KCNH7: variants seen among roughly 807,000 people sequenced by gnomAD.
KCNH7 encodes voltage-gated inwardly rectifying potassium channel KCNH7.
In KCNH7, 49 loss-of-function variants were observed where a neutral mutation model predicts 120.8. That is an observed-to-expected ratio of 0.41 (90% CI 0.32 to 0.51). KCNH7 has a LOEUF of 0.51. Ranked by LOEUF, KCNH7 falls within the 20% of genes least tolerant of loss-of-function variation. The pLI is 0.38. For synonymous variants in KCNH7, 547 were observed against 516.1 expected (o/e 1.06, Z -0.81); for missense variants, 1,097 against 1,446.6 (o/e 0.76, Z 3.92).
At position 162,635,766 on chromosome 2, in the gene KCNH7, C is replaced by A. The variant is rs537416339; in HGVS notation, c.308-98686G>T. On this transcript the variant is annotated intron_variant, in intron 2 of 15. Transcript: ENST00000332142. ...CAAAATTTTCAGCGAGAGTGCAGTT[C>A]TTTGCTATTAAACATTTGAAATTTT... Among the ~76,000 whole-genome samples the A allele has an allele frequency of 6.6e-5, 10 of 152,088 alleles. No individual in the cohort carries two copies. In the South Asian group the frequency reaches 2.1e-3, roughly 32 times the overall value.
chr2:162,698,437 T>A (rs555535507), intron 2 of KCNH7, among the ~76,000 whole-genome samples: 16 of 150,446 alleles, frequency 1.1e-4, no homozygotes, highest in African/African-American at 3.0e-4. Context: ...GTCTTTATTT[T>A]TTTTTTTTTA....
At chr2:162,808,999 A>G (rs925038268) in intron 2 of KCNH7, among the ~76,000 whole-genome samples, 7 of 152,138 alleles carry the variant, frequency 4.6e-5, no homozygotes, top group African/African-American at 1.7e-4. Context: ...GTGATTAGAC[A>G]GTATCCACTG....
chr2:162,769,048 T>G (rs180777296), intron 2 of KCNH7: 27 of 152,306 alleles, frequency 1.8e-4, no homozygotes, highest in Non-Finnish European at 4.4e-5. Context: ...GTCAGATTAT[T>G]CTTGTTTAAC....
intron 2 of KCNH7, among the ~76,000 whole-genome samples, chr2:162,715,632 G>C (rs534710347): frequency 6.6e-6 from 1 of 152,120 alleles, no homozygotes. Context: ...CCAATGGTAC[G>C]TCAGCAATTG....
chr2:162,557,469 C>G (rs1692898003), intron 2 of KCNH7, among the ~76,000 whole-genome samples: 1 of 152,130 alleles, frequency 6.6e-6, no homozygotes, highest in Non-Finnish European at 1.5e-5. Flanking sequence ...TTCAAGGACA[C>G]AGAGAAACAG....
intron 2 of KCNH7, among the ~76,000 whole-genome samples, chr2:162,676,150 T>A (rs1446753272): frequency 6.6e-6 from 1 of 151,510 alleles, no homozygotes; most frequent in Admixed American, 6.6e-5. Context: ...GCAGACACAG[T>A]GTTTGCTTGA....
At chr2:162,504,881 G>A (rs921670198) in intron 5 of KCNH7, among the ~76,000 whole-genome samples, 1 of 151,932 alleles carries the variant, frequency 6.6e-6, no homozygotes, top group African/African-American at 2.4e-5. Context: ...TGTACCCAGA[G>A]AGCAAATGGC....
At chr2:162,644,627 T>C (rs937125285) in intron 2 of KCNH7, among the ~76,000 whole-genome samples, 2 of 152,224 alleles carry the variant, frequency 1.3e-5, no homozygotes, top group African/African-American at 4.8e-5. Context: ...TTCATTTTAA[T>C]AACAACTTTT....
rs67006443 is a variant in KCNH7, at chr2:162,492,865, GTTTTTTTTTTT to G, written c.1128+11567_1128+11577del. Among the ~76,000 whole-genome samples the G allele has an allele frequency of 5.5e-3, 313 of 57,222 alleles. 1 individual carries two copies. Among genetic ancestry groups the G allele is most frequent in the Middle Eastern group, 0.02 (1 of 50 alleles). The allele number at this position is 57,222 out of a possible 152,430, so 37.5% of individuals were successfully genotyped here. A position where few individuals can be genotyped will look rare whatever the true frequency, so the allele number is the denominator to read the frequency against. ...CTATGTTTTTCTCTTCTTGGATCTT[GTTTTTTTTTTT>G]TTTTTTTTTTTTTTTTGGAAAAGGT... On this transcript the variant is annotated intron_variant, in intron 6 of 15. Coordinates refer to ENST00000332142, the MANE Select transcript of KCNH7 (RefSeq NM_033272.4).
rs1686047834 is a variant in KCNH7 at position 162,373,602 on chromosome 2, G to C, written c.3192C>G (p.Thr1064=). The change falls in exon 15 of 16, where the codon ACC becomes ACG. Residue 1064 remains threonine (T), a synonymous_variant. Transcript: ENST00000332142. ...TACTGTAGGCTGGGGGGACCACAGT[G>C]GTTTGTTTCTGCAGCAACTGTAAGA... ...QTILQLLQKQ[T]TVVPPAYSMV... is the part of the protein sequence containing the mutation. 2 of 1,571,994 alleles carry C rather than the reference G, an allele frequency of 1.3e-6. No individual in the cohort carries two copies. Among genetic ancestry groups the C allele is most frequent in the African/African-American group, 2.8e-5 (2 of 72,710 alleles).
intron 2 of KCNH7, among the ~76,000 whole-genome samples, chr2:162,550,543 A>G (rs1221789438): frequency 2.0e-5 from 3 of 151,142 alleles, no homozygotes; most frequent in African/African-American, 7.3e-5. Flanking sequence ...TAGCTGTCTC[A>G]GGGTTCCAGC....
intron 9 of KCNH7, among the ~76,000 whole-genome samples, chr2:162,406,929 T>C (rs1687244708): frequency 6.6e-6 from 1 of 152,062 alleles, no homozygotes; most frequent in South Asian, 2.1e-4. Context: ...ACATGTTTAA[T>C]ATTCCATTGT....
At chr2:162,567,133 T>A (rs1693282905) in intron 2 of KCNH7, among the ~76,000 whole-genome samples, 1 of 152,026 alleles carries the variant, frequency 6.6e-6, no homozygotes, top group Non-Finnish European at 1.5e-5. Flanking sequence ...AATATGAATA[T>A]GGTCATTATT....
At chr2:162,403,115 T>A (rs1490955048) in intron 9 of KCNH7, among the ~76,000 whole-genome samples, 2 of 152,004 alleles carry the variant, frequency 1.3e-5, no homozygotes, top group Admixed American at 1.3e-4. Context: ...AAAAGATTTT[T>A]AATAGACAAT....
intron 2 of KCNH7, among the ~76,000 whole-genome samples, chr2:162,825,707 C>T (rs1685257807): frequency 6.6e-6 from 1 of 151,756 alleles, no homozygotes; most frequent in Non-Finnish European, 1.5e-5. Context: ...TGGTAATATT[C>T]TGTGGATATT....
At chr2:162,740,072 G>A (rs751357038) in intron 2 of KCNH7, among the ~76,000 whole-genome samples, 10 of 152,292 alleles carry the variant, frequency 6.6e-5, no homozygotes, top group South Asian at 6.2e-4. Flanking sequence ...GGTGGTTCTA[G>A]TTCCATGCCT....
intron 2 of KCNH7, among the ~76,000 whole-genome samples, chr2:162,574,882 C>G (rs1391399563): frequency 6.6e-6 from 1 of 152,182 alleles, no homozygotes; most frequent in South Asian, 2.1e-4. Context: ...CAAACATTAA[C>G]TATTGTTGCT....
intron 2 of KCNH7, among the ~76,000 whole-genome samples, chr2:162,698,777 G>C (rs971223769): frequency 6.6e-6 from 1 of 151,926 alleles, no homozygotes; most frequent in African/African-American, 2.4e-5. Context: ...AGATAAATGA[G>C]AAAATGCACT....
At chr2:162,643,825 A>G (rs891021774) in intron 2 of KCNH7, among the ~76,000 whole-genome samples, 2 of 148,232 alleles carry the variant, frequency 1.3e-5, no homozygotes, top group African/African-American at 2.5e-5. Flanking sequence ...AAAAAAAAAA[A>G]AAAGAAGAAA....
Sources: allele counts gnomAD v4.1 joint callset (sites outside exome capture counted in the v4.1 genomes callset), GRCh38; gene constraint gnomAD v4.1.1; transcripts MANE v1.5; gene names NCBI Gene and HGNC (gene_info 2026-07-23, HGNC 2026-07-21).